The following RAI14 variants were observed in gnomAD, a reference collection of about 807,000 sequenced individuals.
The protein encoded by RAI14 is retinoic acid induced 14.
A neutral mutation model predicts 115.4 loss-of-function variants in RAI14; 45 were observed. That is an observed-to-expected ratio of 0.39 (90% CI 0.31 to 0.50). The LOEUF (loss-of-function observed/expected upper bound fraction) is 0.50. Among genes scored for constraint, RAI14 ranks in the 20% least tolerant of loss-of-function variants. RAI14 has a pLI of 0.85. For synonymous variants in RAI14, 371 were observed against 415.4 expected, an observed-to-expected ratio of 0.89 and a Z score of 1.30; for missense variants, 939 against 1,131.2, an observed-to-expected ratio of 0.83 and a Z score of 2.44.
rs1189070181 is a variant in RAI14 at position 34,811,718 on chromosome 5, A to G, written c.558-49A>G. 2.7e-6 allele frequency: 4 copies of G among 1,490,026 alleles called. No individual in the cohort carries two copies. In the Admixed American group the frequency reaches 6.6e-5, roughly 25 times the overall value. The allele number at this position is 1,490,026 out of a possible 1,614,324, so 92.3% of individuals were successfully genotyped here. On this transcript the variant is annotated intron_variant, in intron 8 of 17. Coordinates refer to ENST00000265109, the MANE Select transcript of RAI14 (RefSeq NM_015577.3). Reference sequence around the variant, plus strand: ...TAAGACAACTGATTTCCCAAGAAAGACTTTTTACATTCTCTTAGTACTAAT... The same window carrying G: ...TAAGACAACTGATTTCCCAAGAAAGGCTTTTTACATTCTCTTAGTACTAAT...
chr5:34,688,461 T>TA (rs1738146530), intron 2 of RAI14, among the ~76,000 whole-genome samples: 1 of 152,172 alleles, frequency 6.6e-6, no homozygotes. Flanking sequence ...ACTTTTGGTT[T>TA]AAAAATCAAA....
chr5:34,657,966 C>T (rs569387803), intron 1 of RAI14, among the ~76,000 whole-genome samples: 2 of 152,098 alleles, frequency 1.3e-5, no homozygotes, highest in East Asian at 1.9e-4. Flanking sequence ...ATTTTTTTCC[C>T]CCTTGGGTTT....
intron 3 of RAI14, among the ~76,000 whole-genome samples, chr5:34,770,367 G>T (rs554708891): frequency 6.6e-6 from 1 of 152,230 alleles, no homozygotes; most frequent in Admixed American, 6.5e-5. Context: ...AAAAGTTCAG[G>T]CTAAAAAAGC....
At chr5:34,764,754 G>A (rs1327357871) in intron 3 of RAI14, among the ~76,000 whole-genome samples, 1 of 151,930 alleles carries the variant, frequency 6.6e-6, no homozygotes, top group African/African-American at 2.4e-5. Context: ...TTGCAAAATT[G>A]TGCTTTAGAA....
At chr5:34,720,672 A>G (rs1742595418) in intron 2 of RAI14, among the ~76,000 whole-genome samples, 2 of 151,840 alleles carry the variant, frequency 1.3e-5, no homozygotes, top group Admixed American at 1.3e-4. Flanking sequence ...GGCCTCCCAA[A>G]GTGCTGGGAT....
chr5:34,805,677 TA>T (rs1754800528), intron 5 of RAI14, among the ~76,000 whole-genome samples: 1 of 151,830 alleles, frequency 6.6e-6, no homozygotes, highest in Admixed American at 6.6e-5. Flanking sequence ...CCATCTCTTC[TA>T]AAAAATACAA....
At position 34,821,817 on chromosome 5, in the gene RAI14, C is replaced by G. The variant is rs978454602; in HGVS notation, c.1080C>G (p.Thr360=). The G allele has an allele frequency of 6.2e-7, 1 of 1,604,128 alleles. No individual in the cohort carries two copies. Among genetic ancestry groups the G allele is most frequent in the Non-Finnish European group, 8.5e-7 (1 of 1,171,642 alleles). ...SLLQAKVASL[T]LHNKELQDKL... ...TGCAAGCAAAAGTTGCTTCCCTTACCTTACACAATAAGGAGTTACAAGATA... is the reference window on the plus strand; with the variant it reads ...TGCAAGCAAAAGTTGCTTCCCTTACGTTACACAATAAGGAGTTACAAGATA... The change falls in exon 14 of 18, where the codon ACC becomes ACG. Residue 360 remains threonine, a synonymous_variant. Transcript: ENST00000265109.
intron 7 of RAI14, among the ~76,000 whole-genome samples, chr5:34,810,498 T>G (rs370410854): frequency 8.1e-4 from 123 of 152,330 alleles, no homozygotes; most frequent in African/African-American, 2.6e-3. Flanking sequence ...GTAACAGACA[T>G]AGGCTCTTAA....
Position 34,831,915 on chromosome 5 carries a change from C to T in RAI14, c.*1150C>T, listed in dbSNP as rs1016299743. On this transcript the variant is annotated 3_prime_UTR_variant, in exon 18 of 18. Transcript: ENST00000265109. The stretch of plus-strand genomic sequence containing the variant: ...GTTTTGAATGCCCTGACTCTACCAG[C>T]GCCCATAAATGATCTCTAGAAGGAC... 6.6e-6 allele frequency: 1 copy of T among 152,118 alleles called. No individual in the cohort carries two copies. The highest frequency in any genetic ancestry group is 2.1e-4 in the South Asian group (1 of 4,822). The allele number at this position is 152,118 out of a possible 1,614,324, so 9.4% of individuals were successfully genotyped here.
Position 34,824,156 on chromosome 5 carries a change from C to T in RAI14, c.2314C>T (p.Leu772Phe), listed in dbSNP as rs766860017. The change falls in exon 15 of 18, where the codon CTC becomes TTC. Residue 772 changes from leucine to phenylalanine, a missense_variant. Coordinates refer to ENST00000265109, the MANE Select transcript of RAI14 (RefSeq NM_015577.3). ...GGAAGTAGCAAAGCTGGAGAAACAA[C>T]TCTTAGAAGAGAAAGCTGCTATGAC... The part of the protein sequence containing the change: ...EVEVAKLEKQ[L>F]LEEKAAMTDA... The T allele has an allele frequency of 1.2e-6, 2 of 1,613,958 alleles. No homozygotes were observed. Among genetic ancestry groups the T allele is most frequent in the Non-Finnish European group, 1.7e-6 (2 of 1,179,934 alleles).
chr5:34,830,070 C>T (rs181408975), intron 17 of RAI14, among the ~76,000 whole-genome samples: 11 of 152,160 alleles, frequency 7.2e-5, no homozygotes, highest in Admixed American at 5.9e-4. Context: ...ACTGCAGCCT[C>T]GACCCACGGG....
chr5:34,729,349 T>C (rs34046597), intron 2 of RAI14, among the ~76,000 whole-genome samples: 74,198 of 151,644 alleles, frequency 0.49, 18,712 homozygotes, highest in African/African-American at 0.61. Flanking sequence ...TGCCTGTCTA[T>C]ACACACACAC....
At chr5:34,707,504 A>G (rs1740850817) in intron 2 of RAI14, among the ~76,000 whole-genome samples, 1 of 152,212 alleles carries the variant, frequency 6.6e-6, no homozygotes, top group Non-Finnish European at 1.5e-5. Context: ...AAGCTTTAAA[A>G]TTCTGTATTT....
At chr5:34,747,069 C>G (rs1746351650) in intron 2 of RAI14, among the ~76,000 whole-genome samples, 1 of 152,196 alleles carries the variant, frequency 6.6e-6, no homozygotes. Flanking sequence ...CCAATTGAAC[C>G]TCTTTTTCTT....
chr5:34,808,637 A>G lies in RAI14; in HGVS notation c.433A>G (p.Ile145Val), dbSNP rs145380459. 220 of 1,614,108 alleles carry G rather than the reference A, an allele frequency of 1.4e-4. No individual in the cohort carries two copies. Among genetic ancestry groups the G allele is most frequent in the Non-Finnish European group, 1.7e-4 (199 of 1,180,032 alleles). ...GATTCTCTGCGAACACAAGAGCCCC[A>G]TAAACCTCAAAGATTTGGTAAGTAC... The part of the protein sequence containing the change: ...VQILCEHKSP[I>V]NLKDLDGNIP... Residue 145 changes from isoleucine (I) to valine (V), a missense_variant, in exon 7 of 18, where the codon ATA becomes GTA. Physicochemically the swap from Ile to Val is conservative, Grantham distance 29. Transcript: ENST00000265109.
rs1010530769 is a variant in RAI14 at position 34,796,005 on chromosome 5, T to C, written c.234T>C (p.Asp78=). The C allele has an allele frequency of 3.1e-6, 5 of 1,612,812 alleles. No homozygotes were observed. The Admixed American group carries it at 6.7e-5, about 22-fold the overall frequency. The stretch of plus-strand genomic sequence containing the variant: ...GGGTCATGATTACACATGGTGTGGA[T>C]GTGACAGCCCAAGATACTACCGGTA... ...CLRVMITHGV[D]VTAQDTTGHS... Residue 78 remains aspartate, a synonymous_variant, in exon 4 of 18, where the codon GAT becomes GAC. Coordinates refer to ENST00000265109, the MANE Select transcript of RAI14 (RefSeq NM_015577.3).
chr5:34,730,842 G>A (rs1168554604), intron 2 of RAI14, among the ~76,000 whole-genome samples: 1 of 152,118 alleles, frequency 6.6e-6, no homozygotes, highest in African/African-American at 2.4e-5. Flanking sequence ...AATTAGCTGG[G>A]CGTGGTGGTG....
At chr5:34,665,043 G>GTGTATATATATATGTGTATATATA (rs1743016115) in intron 1 of RAI14, among the ~76,000 whole-genome samples, 1 of 43,166 alleles carries the variant, frequency 2.3e-5, no homozygotes, top group African/African-American at 8.0e-5. Context: ...GTATATATAT[G>GTGTATATATATATGTGTATATATA]TGTATATATA....
chr5:34,720,897 C>T (rs1235376060), intron 2 of RAI14, among the ~76,000 whole-genome samples: 2 of 152,006 alleles, frequency 1.3e-5, no homozygotes, highest in Non-Finnish European at 2.9e-5. Flanking sequence ...CACTATGTTG[C>T]CCAGGCTGGC....
Sources: gnomAD v4.1 joint callset for allele counts (sites outside exome capture counted in the v4.1 genomes callset) on GRCh38, gnomAD v4.1.1 for gene constraint, MANE v1.5 for transcripts, NCBI Gene and HGNC (gene_info 2026-07-23, HGNC 2026-07-21) for gene names.